The following PEX5 variants were observed in gnomAD, a reference collection of about 807,000 sequenced individuals.
The protein encoded by PEX5 is peroxisomal biogenesis factor 5, also known as PTS1 receptor.
In PEX5, 52 loss-of-function variants were observed where a neutral mutation model predicts 82.9. That is an observed-to-expected ratio of 0.63 (90% CI 0.50 to 0.79). PEX5 has a LOEUF of 0.79. Among genes scored for constraint, PEX5 ranks in the 30% least tolerant of loss-of-function variants. The pLI is 0.00. For missense variants in PEX5, 719 were observed against 815.2 expected, an observed-to-expected ratio of 0.88 and a Z score of 1.44; for synonymous variants, 300 against 318.8, an observed-to-expected ratio of 0.94 and a Z score of 0.63.
Position 7,210,193 on chromosome 12 carries a change from C to CG in PEX5, c.1890_1891insG (p.Leu631AlafsTer18). On this transcript the variant is annotated frameshift_variant, in exon 16 of 16. Coordinates refer to ENST00000675855, the MANE Select transcript of PEX5 (RefSeq NM_001351132.2). LOFTEE classifies it high-confidence loss of function. The stretch of plus-strand genomic sequence containing the variant: ...CAGCCGACGCGCGGGATCTGTCCAC[C>CG]CTCCTAACTATGTTTGGCCTGCCCC... 1 of 1,614,178 alleles carries CG rather than the reference C, an allele frequency of 6.2e-7. No individual in the cohort carries two copies. The highest frequency in any genetic ancestry group is 8.5e-7 in the Non-Finnish European group (1 of 1,180,028).
At chr12:7,203,632 G>C in intron 10 of PEX5, 81 bp downstream of exon 10, 2 of 1,364,726 alleles carry the variant, frequency 1.5e-6, no homozygotes, top group East Asian at 4.9e-5. Flanking sequence ...AATTTGAAGG[G>C]TGCTTTTAAG....
intron 10 of PEX5, among the ~76,000 whole-genome samples, chr12:7,204,573 C>G (rs1169885014): frequency 1.3e-5 from 2 of 152,142 alleles, no homozygotes; most frequent in Admixed American, 6.5e-5. Context: ...TTTCACTAGA[C>G]TATGAGTTCA....
intron 5 of PEX5, among the ~76,000 whole-genome samples, chr12:7,193,540 ATTCT>A (rs1365685760): frequency 4.6e-5 from 7 of 152,134 alleles, no homozygotes; most frequent in Non-Finnish European, 7.4e-5. Context: ...TCACGTTGAG[ATTCT>A]TTGTGAAATT....
At chr12:7,191,526 T>C (rs565041002) in intron 4 of PEX5, 43 bp from the exon 5 acceptor site, 3 of 1,610,990 alleles carry the variant, frequency 1.9e-6, no homozygotes, top group Non-Finnish European at 2.5e-6. Context: ...GATGGAATGG[T>C]ATGTATGTAT....
chr12:7,200,200 A>C (rs1292525632), intron 6 of PEX5, among the ~76,000 whole-genome samples: 1 of 144,538 alleles, frequency 6.9e-6, no homozygotes, highest in African/African-American at 2.6e-5. Flanking sequence ...GACGCTCCTC[A>C]CCTCCCAGAC....
chr12:7,208,124 G>A, intron 12 of PEX5, 44 bp downstream of exon 12: 1 of 1,398,020 alleles, frequency 7.2e-7, no homozygotes, highest in Non-Finnish European at 1.0e-6. Flanking sequence ...CCAAGGCTCT[G>A]CATATAACCT....
Position 7,191,611 on chromosome 12 carries a change from A to C in PEX5, c.359A>C (p.Gln120Pro). 2 of 1,614,002 alleles carry C rather than the reference A, an allele frequency of 1.2e-6. No individual in the cohort carries two copies. The highest frequency in any genetic ancestry group is 8.5e-7 in the Non-Finnish European group (1 of 1,179,882). ...TTGGCCTTGTCTGAGAACTGGGCCC[A>C]GGAGTTTCTTGCAGCTGGAGATGCT... is the stretch of plus-strand genomic sequence containing the variant. ...ADLALSENWA[Q>P]EFLAAGDAVD... Residue 120 changes from glutamine (Q) to proline (P), a missense_variant, in exon 5 of 16, where the codon CAG becomes CCG. Gln to Pro is a moderately conservative substitution (Grantham distance 76, BLOSUM62 -1). Coordinates refer to ENST00000675855, the MANE Select transcript of PEX5 (RefSeq NM_001351132.2).
chr12:7,206,880 A>G (rs1470091403), intron 10 of PEX5, among the ~76,000 whole-genome samples: 3 of 152,264 alleles, frequency 2.0e-5, no homozygotes, highest in Admixed American at 1.3e-4. Flanking sequence ...TTTTATTTGC[A>G]TGTCCCAGAT....
At chr12:7,207,609 G>C in intron 10 of PEX5, 50 bp from the exon 11 acceptor site, 2 of 1,601,834 alleles carry the variant, frequency 1.2e-6, no homozygotes, top group Non-Finnish European at 1.7e-6. Flanking sequence ...CATCCCTGCT[G>C]TTCTGACGGT....
intron 5 of PEX5, among the ~76,000 whole-genome samples, chr12:7,195,939 G>A (rs998143398): frequency 6.7e-6 from 1 of 149,936 alleles, no homozygotes; most frequent in African/African-American, 2.4e-5. Context: ...AGCAGAATCT[G>A]TATTTAATTT....
At position 7,208,143 on chromosome 12, in the gene PEX5, A is replaced by G; in HGVS notation, c.1181+63A>G. 3 of 1,220,086 alleles carry G rather than the reference A, an allele frequency of 2.5e-6. No individual in the cohort carries two copies. The East Asian group carries it at 7.0e-5, about 28-fold the overall frequency. The allele number at this position is 1,220,086 out of a possible 1,614,324, so 75.6% of individuals were successfully genotyped here. ...GGCTCTGCATATAACCTTTTGAATG[A>G]CAGAAGCCCAGACCTGGATCCTTGT... is the stretch of plus-strand genomic sequence containing the variant. On this transcript the variant is annotated intron_variant, in intron 12 of 15. Transcript: ENST00000675855.
downstream of PEX5, among the ~76,000 whole-genome samples, chr12:7,211,962 T>G (rs1387888749): frequency 1.3e-4 from 12 of 93,716 alleles, no homozygotes; most frequent in Non-Finnish European, 2.5e-4. Flanking sequence ...AAAATTTTTT[T>G]TTTTTTGTTT....
At chr12:7,204,163 C>T (rs1398833588) in intron 10 of PEX5, among the ~76,000 whole-genome samples, 1 of 152,094 alleles carries the variant, frequency 6.6e-6, no homozygotes, top group East Asian at 1.9e-4. Context: ...AACAAATCTA[C>T]CTGTGGGTTG....
intron 6 of PEX5, among the ~76,000 whole-genome samples, chr12:7,201,253 A>G (rs757308105): frequency 4.0e-5 from 6 of 150,378 alleles, no homozygotes; most frequent in East Asian, 3.9e-4. Context: ...ACATGTAGAT[A>G]CATGCGTACA....
At chr12:7,198,375 C>A (rs1420301417) in intron 5 of PEX5, among the ~76,000 whole-genome samples, 1 of 152,100 alleles carries the variant, frequency 6.6e-6, no homozygotes, top group African/African-American at 2.4e-5. Context: ...TTTAGCTGTA[C>A]ACTTAAGTTT....
At chr12:7,193,523 C>G (rs191935097) in intron 5 of PEX5, among the ~76,000 whole-genome samples, 5 of 152,268 alleles carry the variant, frequency 3.3e-5, no homozygotes, top group Admixed American at 2.6e-4. Flanking sequence ...AGCCACCGCA[C>G]GCGCCCTCAC....
chr12:7,201,264 CAT>C (rs1183773986), intron 6 of PEX5, among the ~76,000 whole-genome samples: 5 of 110,416 alleles, frequency 4.5e-5, no homozygotes, highest in African/African-American at 5.4e-5. Flanking sequence ...CATGCGTACA[CAT>C]GTATACACAC....
rs144960881 is a variant in PEX5, at chr12:7,192,344, T to C, written c.448+644T>C. On this transcript the variant is annotated intron_variant, in intron 5 of 15. Coordinates refer to ENST00000675855, the MANE Select transcript of PEX5 (RefSeq NM_001351132.2). Reference sequence around the variant, plus strand: ...TGTCAGTGGTAGAGTTGGGATTTGATCCTGGATTTGAATGATTCCTGACCC... The same window carrying C: ...TGTCAGTGGTAGAGTTGGGATTTGACCCTGGATTTGAATGATTCCTGACCC... 4.9e-3 allele frequency among the ~76,000 whole-genome samples: 741 copies of C among 152,286 alleles called. 7 individuals carry two copies. Among genetic ancestry groups the C allele is most frequent in the African/African-American group, 0.015 (640 of 41,546 alleles).
chr12:7,206,973 A>G (rs965310469), intron 10 of PEX5, among the ~76,000 whole-genome samples: 1 of 152,200 alleles, frequency 6.6e-6, no homozygotes, highest in South Asian at 2.1e-4. Context: ...CTTTGCAGAT[A>G]GTATCGTAAC....
Sources: allele counts gnomAD v4.1 joint callset (sites outside exome capture counted in the v4.1 genomes callset), GRCh38; gene constraint gnomAD v4.1.1; transcripts MANE v1.5; gene names NCBI Gene and HGNC (gene_info 2026-07-23, HGNC 2026-07-21).